BMP6: variants seen among roughly 807,000 people sequenced by gnomAD.
BMP6 encodes bone morphogenetic protein 6, also known as VG-1-R.
A neutral mutation model predicts 54.1 loss-of-function variants in BMP6; 17 were observed. The observed-to-expected ratio is 0.31, with a 90% CI of 0.22 to 0.47. The LOEUF is 0.47. Ranked by LOEUF, BMP6 falls within the 20% of genes least tolerant of loss-of-function variation. The pLI, the probability that BMP6 is intolerant of heterozygous loss-of-function variation, is 1.00. For missense variants in BMP6, 720 were observed against 690.4 expected (o/e 1.04, Z -0.48); for synonymous variants, 328 against 291.2 (o/e 1.13, Z -1.28).
intron 1 of BMP6, among the ~76,000 whole-genome samples, chr6:7,801,671 G>A (rs1758271988): frequency 6.6e-6 from 1 of 152,232 alleles, no homozygotes; most frequent in Non-Finnish European, 1.5e-5. Context: ...CTCCCAGTCT[G>A]GGAGATGTGT....
At chr6:7,862,664 T>C (rs1581284191) in intron 4 of BMP6, among the ~76,000 whole-genome samples, 166 bp downstream of exon 4, 1 of 152,302 alleles carries the variant, frequency 6.6e-6, no homozygotes, top group Non-Finnish European at 1.5e-5. Flanking sequence ...AACATCTGCG[T>C]GGGTTCTGAG....
In BMP6 at chr6:7,747,796, A is replaced by G. The variant is rs191137972; in HGVS notation, c.664+20177A>G. ...CCAGTAGCTGAGAGTACAGGCATGCACTACCTTGACTAGCTAATTTTTTTT... is the reference window on the plus strand; with the variant it reads ...CCAGTAGCTGAGAGTACAGGCATGCGCTACCTTGACTAGCTAATTTTTTTT... On this transcript the variant is annotated intron_variant, in intron 1 of 6. Transcript: ENST00000283147. Among the ~76,000 whole-genome samples the G allele has an allele frequency of 1.6e-3, 240 of 150,780 alleles. 1 individual carries two copies. The highest frequency in any genetic ancestry group is 0.012 in the South Asian group (58 of 4,780).
At position 7,822,897 on chromosome 6, in the gene BMP6, T is replaced by TGTGTGTG. The variant is rs915176611; in HGVS notation, c.665-22243_665-22242insGTGTGTG. Among the ~76,000 whole-genome samples, 22 of 121,354 alleles carry TGTGTGTG rather than the reference T, an allele frequency of 1.8e-4. 1 individual carries two copies. Among genetic ancestry groups the TGTGTGTG allele is most frequent in the African/African-American group, 6.3e-4 (20 of 31,988 alleles). 79.6% of individuals were successfully genotyped at this position (121,354 alleles called of 152,430 possible). On this transcript the variant is annotated intron_variant, in intron 1 of 6. Coordinates refer to ENST00000283147, the MANE Select transcript of BMP6 (RefSeq NM_001718.6). Reference sequence around the variant, plus strand: ...CATGCTACAGTAGGATTGGTGCTGGTTGTGTGTGTGTGTGTGTGTGTGTGT... The same window carrying TGTGTGTG: ...CATGCTACAGTAGGATTGGTGCTGGTGTGTGTGTGTGTGTGTGTGTGTGTGTGTGTGT...
At chr6:7,780,137 GAA>G (rs1214969793) in intron 1 of BMP6, among the ~76,000 whole-genome samples, 2 of 152,186 alleles carry the variant, frequency 1.3e-5, no homozygotes, top group Non-Finnish European at 2.9e-5. Flanking sequence ...TTATTCTAGG[GAA>G]GCAGGAATAA....
chr6:7,793,697 A>G (rs1032467241), intron 1 of BMP6, among the ~76,000 whole-genome samples: 3 of 152,196 alleles, frequency 2.0e-5, no homozygotes, highest in African/African-American at 7.2e-5. Flanking sequence ...TCTAAAAGAT[A>G]AAGCCTATTA....
chr6:7,878,942 G>A (rs1759666114), intron 4 of BMP6, 132 bp from the exon 5 acceptor site: 1 of 854,646 alleles, frequency 1.2e-6, no homozygotes, highest in Admixed American at 2.0e-5. Flanking sequence ...GCTGTTGGGT[G>A]ACCATACTTG....
At chr6:7,776,960 CAACT>C (rs1198898990) in intron 1 of BMP6, among the ~76,000 whole-genome samples, 1 of 152,228 alleles carries the variant, frequency 6.6e-6, no homozygotes, top group African/African-American at 2.4e-5. Context: ...GGCTACAACT[CAACT>C]ATCTACGCCC....
At chr6:7,871,190 A>G (rs1274907230) in intron 4 of BMP6, among the ~76,000 whole-genome samples, 1 of 152,250 alleles carries the variant, frequency 6.6e-6, no homozygotes, top group East Asian at 1.9e-4. Context: ...TAGAAAAGAA[A>G]AATCTCCACT....
chr6:7,729,548 A>G (rs534817277), intron 1 of BMP6, among the ~76,000 whole-genome samples: 12 of 152,288 alleles, frequency 7.9e-5, no homozygotes, highest in African/African-American at 2.9e-4. Flanking sequence ...TTCTAGGGTT[A>G]TTAGGGCCGC....
chr6:7,729,864 G>A (rs1363145725), intron 1 of BMP6, among the ~76,000 whole-genome samples: 1 of 152,176 alleles, frequency 6.6e-6, no homozygotes, highest in Non-Finnish European at 1.5e-5. Flanking sequence ...TGGAAACCAG[G>A]TAGCAGTATT....
rs1389091999 is a variant in BMP6, at chr6:7,807,967, C to CTGGA, written c.665-37172_665-37169dup. ...ACGGAGTCTTGCTCTGTTGCCCAGGCTGGAGTGCAGTGGCACGATCTCAGC... is the reference window on the plus strand; with the variant it reads ...ACGGAGTCTTGCTCTGTTGCCCAGGCTGGATGGAGTGCAGTGGCACGATCTCAGC... On this transcript the variant is annotated intron_variant, in intron 1 of 6. Transcript: ENST00000283147. Among the ~76,000 whole-genome samples the CTGGA allele has an allele frequency of 4.6e-5, 6 of 130,930 alleles. No individual in the cohort carries two copies. In the East Asian group the frequency reaches 1.4e-3, roughly 30 times the overall value. 85.9% of individuals were successfully genotyped at this position (130,930 alleles called of 152,430 possible).
chr6:7,770,111 T>C (rs150697922), intron 1 of BMP6, among the ~76,000 whole-genome samples: 29 of 152,240 alleles, frequency 1.9e-4, no homozygotes, highest in African/African-American at 5.5e-4. Context: ...CACGGTTATA[T>C]AACCACTTGT....
chr6:7,784,780 A>T (rs970918841), intron 1 of BMP6, among the ~76,000 whole-genome samples: 1 of 152,190 alleles, frequency 6.6e-6, no homozygotes, highest in African/African-American at 2.4e-5. Context: ...CCTACAGCTA[A>T]TAGGAGCAGC....
intron 4 of BMP6, among the ~76,000 whole-genome samples, chr6:7,876,693 A>G (rs1581294844): frequency 6.6e-6 from 1 of 152,110 alleles, no homozygotes; most frequent in East Asian, 1.9e-4. Context: ...CTAATGTTTA[A>G]CCTGTTTAAT....
intron 1 of BMP6, among the ~76,000 whole-genome samples, chr6:7,783,589 C>T (rs566348039): frequency 2.5e-4 from 38 of 152,350 alleles, no homozygotes; most frequent in Middle Eastern, 3.4e-3. Context: ...ACGCCAAGGG[C>T]GCAATAACGT....
At chr6:7,856,219 C>G (rs986984935) in intron 2 of BMP6, among the ~76,000 whole-genome samples, 1 of 148,416 alleles carries the variant, frequency 6.7e-6, no homozygotes, top group African/African-American at 2.5e-5. Context: ...CAGCAGTTTA[C>G]TCTTTTTTGT....
chr6:7,759,928 C>G (rs1182644843), intron 1 of BMP6, among the ~76,000 whole-genome samples: 5 of 151,854 alleles, frequency 3.3e-5, no homozygotes, highest in African/African-American at 1.2e-4. Context: ...AGTCTCAGAA[C>G]TCCTGACCTC....
At chr6:7,831,225 T>C (rs958143207) in intron 1 of BMP6, among the ~76,000 whole-genome samples, 7 of 152,162 alleles carry the variant, frequency 4.6e-5, no homozygotes, top group Non-Finnish European at 8.8e-5. Flanking sequence ...TGTGATTGTT[T>C]TCATGTGAAA....
rs545723053 is a variant in BMP6 at position 7,862,344 on chromosome 6, C to A, written c.1050C>A (p.Asp350Glu). The A allele has an allele frequency of 3.1e-6, 5 of 1,614,100 alleles. No homozygotes were observed. In the African/African-American group the frequency reaches 6.7e-5, roughly 22 times the overall value. Reference protein sequence around the residue: ...HPRAAGLVGRDGPYDKQPFMV... With the variant: ...HPRAAGLVGREGPYDKQPFMV... Reference sequence around the variant, plus strand: ...GAGCCGCAGGCCTGGTGGGCAGAGACGGCCCTTACGACAAGCAGCCCTTCA... The same window carrying A: ...GAGCCGCAGGCCTGGTGGGCAGAGAAGGCCCTTACGACAAGCAGCCCTTCA... The change falls in exon 4 of 7, where the codon GAC becomes GAA. Residue 350 changes from aspartate (D) to glutamate (E), a missense_variant. Transcript: ENST00000283147.
Sources: allele counts gnomAD v4.1 joint callset (sites outside exome capture counted in the v4.1 genomes callset), GRCh38; gene constraint gnomAD v4.1.1; transcripts MANE v1.5; gene names NCBI Gene and HGNC (gene_info 2026-07-23, HGNC 2026-07-21).